MPPED2: variants seen among roughly 807,000 people sequenced by gnomAD.
MPPED2 encodes the protein metallophosphoesterase domain containing 2, also known as metallophosphoesterase MPPED2.
MPPED2 carries 5 observed loss-of-function variants against 33.0 expected under a neutral mutation model. That is an observed-to-expected ratio of 0.15 (90% CI 0.08 to 0.32). The LOEUF (loss-of-function observed/expected upper bound fraction) is 0.32, where lower values mean the gene tolerates loss of function less well. MPPED2 is among the 10% of genes least tolerant of loss of function. MPPED2 has a pLI of 1.00. For missense variants in MPPED2, 275 were observed against 372.1 expected (o/e 0.74, Z 2.15); for synonymous variants, 136 against 141.9 (o/e 0.96, Z 0.29).
chr11:30,411,944 A>G (rs1260262558), intron 6 of MPPED2, among the ~76,000 whole-genome samples: 1 of 152,072 alleles, frequency 6.6e-6, no homozygotes, highest in Non-Finnish European at 1.5e-5. Flanking sequence ...GTTCTAGGGA[A>G]TAAAATGAGT....
chr11:30,410,935 G>T lies in MPPED2; in HGVS notation c.*533C>A. 1.0e-6 allele frequency: 1 copy of T among 985,752 alleles called. No individual in the cohort carries two copies. Among genetic ancestry groups the T allele is most frequent in the Non-Finnish European group, 1.2e-6 (1 of 829,948 alleles). 61.1% of individuals were successfully genotyped at this position (985,752 alleles called of 1,614,324 possible). ...CTCAATGCAGCTTTCTTTATAGTGA[G>T]AGTATGAAAAGAAGTCTTTTCCATG... On this transcript the variant is annotated 3_prime_UTR_variant, in exon 7 of 7. Coordinates refer to ENST00000358117, the MANE Select transcript of MPPED2 (RefSeq NM_001584.3).
intron 2 of MPPED2, among the ~76,000 whole-genome samples, chr11:30,566,943 A>T (rs1302767868): frequency 6.6e-6 from 1 of 152,156 alleles, no homozygotes; most frequent in Non-Finnish European, 1.5e-5. Context: ...ACAAAGCTAG[A>T]GAGAGAAAAT....
intron 2 of MPPED2, among the ~76,000 whole-genome samples, chr11:30,550,613 C>T (rs1445556263): frequency 4.6e-5 from 7 of 152,124 alleles, no homozygotes; most frequent in East Asian, 1.9e-4. Context: ...ACGGCTTGCA[C>T]GGCTGAAGAA....
At chr11:30,502,583 T>A (rs1446041252) in intron 3 of MPPED2, among the ~76,000 whole-genome samples, 1 of 152,126 alleles carries the variant, frequency 6.6e-6, no homozygotes, top group Non-Finnish European at 1.5e-5. Context: ...GCCAACTTTA[T>A]GTGAGGTCCC....
chr11:30,518,230 C>A (rs776056493), intron 3 of MPPED2, among the ~76,000 whole-genome samples: 1 of 152,188 alleles, frequency 6.6e-6, no homozygotes, highest in African/African-American at 2.4e-5. Flanking sequence ...TGCTGCCCAA[C>A]ATGCACCCAC....
At chr11:30,465,209 A>G (rs1950657742) in intron 4 of MPPED2, among the ~76,000 whole-genome samples, 1 of 152,246 alleles carries the variant, frequency 6.6e-6, no homozygotes, top group Admixed American at 6.5e-5. Context: ...ATATAAAACA[A>G]TTGGAAATAG....
intron 3 of MPPED2, among the ~76,000 whole-genome samples, chr11:30,533,593 G>C (rs1954652882): frequency 6.6e-6 from 1 of 152,102 alleles, no homozygotes; most frequent in African/African-American, 2.4e-5. Flanking sequence ...GAGCCAAGTG[G>C]TAGAGTGTTA....
chr11:30,386,526 A>G, exon 7 of MPPED2: 1 of 388,212 alleles, frequency 2.6e-6, no homozygotes, highest in Admixed American at 4.5e-5. Context: ...TGATTTAAAT[A>G]AACCTCTTTT....
At chr11:30,544,827 A>G (rs192676858) in intron 2 of MPPED2, among the ~76,000 whole-genome samples, 1 of 152,316 alleles carries the variant, frequency 6.6e-6, no homozygotes, top group East Asian at 1.9e-4. Context: ...TAGTATGTCG[A>G]TTTCAAATGC....
chr11:30,531,030 T>C (rs552906704), intron 3 of MPPED2, among the ~76,000 whole-genome samples: 90 of 152,320 alleles, frequency 5.9e-4, no homozygotes, highest in Non-Finnish European at 1.1e-3. Context: ...GGGATTGGTA[T>C]GCATTTTTGC....
intron 3 of MPPED2, among the ~76,000 whole-genome samples, chr11:30,507,779 T>C (rs1952924352): frequency 6.6e-6 from 1 of 152,204 alleles, no homozygotes; most frequent in South Asian, 2.1e-4. Flanking sequence ...CTGGAACACA[T>C]TTCCAATAGT....
intron 4 of MPPED2, among the ~76,000 whole-genome samples, chr11:30,479,879 A>G (rs1951402913): frequency 6.6e-6 from 1 of 152,118 alleles, no homozygotes; most frequent in African/African-American, 2.4e-5. Context: ...TCAAATTCAA[A>G]TCTCCAATCA....
intron 4 of MPPED2, among the ~76,000 whole-genome samples, chr11:30,458,723 C>T (rs1950384607): frequency 6.6e-6 from 1 of 152,066 alleles, no homozygotes; most frequent in African/African-American, 2.4e-5. Context: ...CCTGCTCTAC[C>T]ACCAAAGGTT....
At chr11:30,547,119 T>C (rs1955465519) in intron 2 of MPPED2, among the ~76,000 whole-genome samples, 2 of 152,226 alleles carry the variant, frequency 1.3e-5, no homozygotes, top group African/African-American at 4.8e-5. Flanking sequence ...TTGCCCAAGA[T>C]TGCCCAGCTA....
At chr11:30,583,193 A>G (rs1957270373) in intron 1 of MPPED2, among the ~76,000 whole-genome samples, 1 of 133,136 alleles carries the variant, frequency 7.5e-6, no homozygotes. Context: ...AAGGGACAAT[A>G]GACAAAACCA....
chr11:30,488,859 A>AAC (rs10643971), intron 4 of MPPED2, among the ~76,000 whole-genome samples: 49,602 of 150,824 alleles, frequency 0.33, 8,184 homozygotes, highest in East Asian at 0.43. Flanking sequence ...ATATTTGTTT[A>AAC]ACACACACAC....
intron 3 of MPPED2, among the ~76,000 whole-genome samples, chr11:30,521,547 A>C (rs1953879188): frequency 6.6e-6 from 1 of 152,346 alleles, no homozygotes; most frequent in African/African-American, 2.4e-5. Context: ...TCAGCAGTCT[A>C]GCAGCATTCC....
At chr11:30,457,153 A>G (rs1950312166) in intron 4 of MPPED2, among the ~76,000 whole-genome samples, 1 of 152,120 alleles carries the variant, frequency 6.6e-6, no homozygotes, top group South Asian at 2.1e-4. Context: ...GTACAGCAAC[A>G]TGCTTTGAGA....
At chr11:30,446,656 T>G (rs1186212574) in intron 4 of MPPED2, among the ~76,000 whole-genome samples, 1 of 152,164 alleles carries the variant, frequency 6.6e-6, no homozygotes, top group Non-Finnish European at 1.5e-5. Context: ...GAGAGCTCCT[T>G]GTATATTTCA....
Sources: gnomAD v4.1 joint callset for allele counts (sites outside exome capture counted in the v4.1 genomes callset) on GRCh38, gnomAD v4.1.1 for gene constraint, MANE v1.5 for transcripts, NCBI Gene and HGNC (gene_info 2026-07-23, HGNC 2026-07-21) for gene names.